Variants in ELOC observed in about 807,000 individuals in gnomAD.
The protein encoded by ELOC is elongin-C.
For missense variants in ELOC, 38 were observed against 139.0 expected (o/e 0.27, Z 3.65); for synonymous variants, 40 against 51.3 (o/e 0.78, Z 0.94).
intron 1 of ELOC, chr8:73,969,471 G>C (rs1815213109): frequency 6.6e-6 from 1 of 152,136 alleles, no homozygotes; most frequent in African/African-American, 2.4e-5. Context: ...TTACCACTCT[G>C]ATCTTGTCTC....
chr8:73,947,022 T>C (rs1324958134), intron 3 of ELOC, among the ~76,000 whole-genome samples: 6 of 152,142 alleles, frequency 3.9e-5, no homozygotes, highest in African/African-American at 1.4e-4. Context: ...AGAGTCGCGC[T>C]CTGTCACCCA....
At position 73,946,406 on chromosome 8, in the gene ELOC, ATATT is replaced by A. The variant is rs911667061; in HGVS notation, c.*220_*223del. ...AAGGCAAAACCACCTACGAATTGGC[ATATT>A]TGTTTATTTCTCAGTTTGTGAAAAT... On this transcript the variant is annotated 3_prime_UTR_variant, in exon 4 of 4. Transcript: ENST00000520242. The A allele has an allele frequency of 1.4e-5, 6 of 426,342 alleles. No homozygotes were observed. Among genetic ancestry groups the A allele is most frequent in the African/African-American group, 9.9e-5 (5 of 50,538 alleles). The allele number at this position is 426,342 out of a possible 1,614,324, so 26.4% of individuals were successfully genotyped here. A position where few individuals can be genotyped will look rare whatever the true frequency, so the allele number is the denominator to read the frequency against.
chr8:73,971,266 G>A (rs1171573503), intron 1 of ELOC, among the ~76,000 whole-genome samples: 1 of 151,678 alleles, frequency 6.6e-6, no homozygotes, highest in Non-Finnish European at 1.5e-5. Context: ...GTCAGGCGTG[G>A]TGGCATGCGC....
At chr8:73,960,899 C>T (rs1480330819) in intron 1 of ELOC, among the ~76,000 whole-genome samples, 1 of 152,040 alleles carries the variant, frequency 6.6e-6, no homozygotes, top group African/African-American at 2.4e-5. Flanking sequence ...ACTGCCTGAA[C>T]CCAGGAGACT....
At chr8:73,949,442 T>C (rs1014077002) in intron 3 of ELOC, among the ~76,000 whole-genome samples, 2 of 152,234 alleles carry the variant, frequency 1.3e-5, no homozygotes, top group Non-Finnish European at 2.9e-5. Context: ...AAGTGTACAA[T>C]TCAGTGGCAT....
chr8:73,968,288 A>T (rs1287293096), intron 1 of ELOC, among the ~76,000 whole-genome samples: 1 of 152,120 alleles, frequency 6.6e-6, no homozygotes, highest in Non-Finnish European at 1.5e-5. Context: ...ATCCATCTGA[A>T]ATTCATCCTT....
At chr8:73,964,409 A>G (rs1222999390) in intron 1 of ELOC, 1 of 152,184 alleles carries the variant, frequency 6.6e-6, no homozygotes, top group African/African-American at 2.4e-5. Flanking sequence ...ATACACAAAA[A>G]TCAATTTCAG....
intron 3 of ELOC, among the ~76,000 whole-genome samples, chr8:73,952,599 T>C (rs1157352415): frequency 6.7e-6 from 1 of 150,188 alleles, no homozygotes. Flanking sequence ...GCTAACACAG[T>C]GAAACCCCGT....
chr8:73,960,488 C>A (rs1451421978), intron 1 of ELOC, among the ~76,000 whole-genome samples: 1 of 152,128 alleles, frequency 6.6e-6, no homozygotes, highest in Non-Finnish European at 1.5e-5. Flanking sequence ...CTTTGAGGTG[C>A]CTTTTTTGAT....
intron 1 of ELOC, chr8:73,969,613 A>T (rs1195940117): frequency 6.6e-6 from 1 of 152,128 alleles, no homozygotes; most frequent in Non-Finnish European, 1.5e-5. Context: ...TTAAATCCTC[A>T]TCATTTAGGT....
intron 3 of ELOC, chr8:73,955,616 A>C (rs1452521658): frequency 3.7e-6 from 1 of 271,728 alleles, no homozygotes; most frequent in Admixed American, 5.2e-5. Context: ...AAAAAAAAAA[A>C]AAAAAATTAG....
intron 3 of ELOC, among the ~76,000 whole-genome samples, chr8:73,951,123 T>C (rs1198112019): frequency 6.6e-6 from 1 of 151,738 alleles, no homozygotes; most frequent in African/African-American, 2.4e-5. Flanking sequence ...ATACTAAAAT[T>C]AGCTGGGCGT....
chr8:73,953,987 CTGAA>C (rs1462144085), intron 3 of ELOC, among the ~76,000 whole-genome samples: 2 of 152,124 alleles, frequency 1.3e-5, no homozygotes, highest in African/African-American at 2.4e-5. Flanking sequence ...TCACATCTGG[CTGAA>C]TGAAATATTA....
intron 3 of ELOC, among the ~76,000 whole-genome samples, chr8:73,950,175 T>C (rs1045683256): frequency 2.0e-5 from 3 of 152,128 alleles, no homozygotes; most frequent in African/African-American, 7.2e-5. Flanking sequence ...GAAAGTAGTA[T>C]AACTATTCAA....
In ELOC at chr8:73,946,796, T is replaced by C; in HGVS notation, c.173A>G (p.Asn58Ser). ...AGGTATCTCTCTAAAATTGACCTCA[T>C]TGGTTTCGTTCTCAGCAAACTGACC... ...GPGQFAENET[N>S]EVNFREIPSH... The change falls in exon 4 of 4, where the codon AAT (asparagine) becomes AGT (serine). Residue 58 changes from asparagine to serine, a missense_variant. Physicochemically the swap from Asn to Ser is conservative, Grantham distance 46. Transcript: ENST00000520242. 6.2e-7 allele frequency: 1 copy of C among 1,612,506 alleles called. No individual in the cohort carries two copies. Among genetic ancestry groups the C allele is most frequent in the Non-Finnish European group, 8.5e-7 (1 of 1,179,238 alleles).
chr8:73,947,301 C>T (rs1262190544), intron 3 of ELOC, among the ~76,000 whole-genome samples: 3 of 151,900 alleles, frequency 2.0e-5, no homozygotes, highest in African/African-American at 4.8e-5. Flanking sequence ...TTGGTATTCT[C>T]GTAAGAGATC....
intron 3 of ELOC, among the ~76,000 whole-genome samples, chr8:73,954,450 T>C (rs998766345): frequency 1.3e-5 from 2 of 150,552 alleles, no homozygotes; most frequent in African/African-American, 4.9e-5. Flanking sequence ...CAAGGTCAGA[T>C]CGAGACCATC....
At chr8:73,946,955 G>A in intron 3 of ELOC, 135 bp from the exon 4 acceptor site, 2 of 639,046 alleles carry the variant, frequency 3.1e-6, no homozygotes, top group Non-Finnish European at 5.2e-6. Context: ...AATTAAAAGA[G>A]GTCATTAGGG....
upstream of ELOC, chr8:73,972,220 T>A (rs377291084): frequency 2.0e-5 from 3 of 152,378 alleles, no homozygotes; most frequent in African/African-American, 7.2e-5. Flanking sequence ...AGAGCCGCTT[T>A]CGGCGACGCG....
Sources: allele counts gnomAD v4.1 joint callset (sites outside exome capture counted in the v4.1 genomes callset), GRCh38; gene constraint gnomAD v4.1.1; transcripts MANE v1.5; gene names NCBI Gene and HGNC (gene_info 2026-07-23, HGNC 2026-07-21).